Variants in GGNBP2 observed in about 807,000 individuals in gnomAD.
The protein encoded by GGNBP2 is gametogenetin binding protein 2, also known as gametogenetin-binding protein 2.
In GGNBP2, 10 loss-of-function variants were observed where a neutral mutation model predicts 85.9. That is an observed-to-expected ratio of 0.12 (90% CI 0.07 to 0.20). The LOEUF is 0.20. Ranked by LOEUF, GGNBP2 falls within the 10% of genes least tolerant of loss-of-function variation. The pLI, the probability that GGNBP2 is intolerant of heterozygous loss-of-function variation, is 1.00. For synonymous variants in GGNBP2, 287 were observed against 285.7 expected (o/e 1.00, Z -0.05); for missense variants, 595 against 857.8 (o/e 0.69, Z 3.83).
intron 6 of GGNBP2, among the ~76,000 whole-genome samples, chr17:36,572,791 G>T (rs141111240): frequency 1.3e-5 from 2 of 152,242 alleles, no homozygotes; most frequent in African/African-American, 4.8e-5. Context: ...CAGATCTCTA[G>T]AACTTTTTCA....
At chr17:36,573,205 C>T (rs113866146) in intron 6 of GGNBP2, among the ~76,000 whole-genome samples, 11 of 152,096 alleles carry the variant, frequency 7.2e-5, no homozygotes, top group East Asian at 1.9e-4. Context: ...CTCCGCCTCC[C>T]GAGTTCAAGT....
chr17:36,561,159 T>A (rs1334641995), intron 5 of GGNBP2, among the ~76,000 whole-genome samples: 2 of 152,170 alleles, frequency 1.3e-5, no homozygotes, highest in African/African-American at 4.8e-5. Context: ...AGTCTCCCTT[T>A]ATTTCCCAGG....
intron 5 of GGNBP2, among the ~76,000 whole-genome samples, chr17:36,565,667 GC>G (rs2074460674): frequency 6.6e-6 from 1 of 152,178 alleles, no homozygotes; most frequent in African/African-American, 2.4e-5. Flanking sequence ...GGAGGCCGAT[GC>G]AGGCAGATCA....
chr17:36,579,072 T>C, intron 7 of GGNBP2, 173 bp from the exon 8 acceptor site: 1 of 577,370 alleles, frequency 1.7e-6, no homozygotes, highest in Admixed American at 3.1e-5. Context: ...TGTGTATTTC[T>C]CATTGGTTGT....
chr17:36,579,555 C>G (rs1047490535), intron 8 of GGNBP2, 136 bp downstream of exon 8: 33 of 727,824 alleles, frequency 4.5e-5, no homozygotes, highest in Non-Finnish European at 7.0e-5. Flanking sequence ...GATATTGTTA[C>G]ATGGCTTTGG....
chr17:36,575,734 C>T (rs2074574643), intron 6 of GGNBP2, among the ~76,000 whole-genome samples: 1 of 145,308 alleles, frequency 6.9e-6, no homozygotes, highest in Admixed American at 7.0e-5. Context: ...GCAACCTCTG[C>T]CTCCCGGGTT....
chr17:36,565,785 A>C (rs979804454), intron 5 of GGNBP2, among the ~76,000 whole-genome samples: 2 of 152,132 alleles, frequency 1.3e-5, no homozygotes, highest in African/African-American at 2.4e-5. Context: ...AGTCCCAGCT[A>C]CTTGGGAGGC....
Position 36,579,428 on chromosome 17 carries a change from A to G in GGNBP2, c.1020+9A>G. 2 of 1,612,962 alleles carry G rather than the reference A, an allele frequency of 1.2e-6. No homozygotes were observed. The highest frequency in any genetic ancestry group is 1.7e-6 in the Non-Finnish European group (2 of 1,178,996). ...TACGCAAGAGTTTTGAGGTAAGAAC[A>G]GTGGGCTGTTCCAGTATCTCAGATT... On this transcript the variant is annotated intron_variant, in intron 8 of 13. Transcript: ENST00000613102.
At chr17:36,550,601 G>A (rs910605287) in intron 2 of GGNBP2, among the ~76,000 whole-genome samples, 1 of 152,200 alleles carries the variant, frequency 6.6e-6, no homozygotes, top group Non-Finnish European at 1.5e-5. Flanking sequence ...GAACTTGTGA[G>A]AATGCGCTAA....
At chr17:36,578,503 GC>G (rs1389102271) in intron 7 of GGNBP2, 6 of 275,544 alleles carry the variant, frequency 2.2e-5, no homozygotes, top group Non-Finnish European at 4.1e-5. Flanking sequence ...CTCTATCCAT[GC>G]ATTATCATGT....
At chr17:36,568,184 A>G (rs1555606210) in intron 6 of GGNBP2, among the ~76,000 whole-genome samples, 1 of 152,170 alleles carries the variant, frequency 6.6e-6, no homozygotes, top group East Asian at 1.9e-4. Context: ...TCGGCCTCCC[A>G]AAGTGCTAGG....
intron 8 of GGNBP2, among the ~76,000 whole-genome samples, chr17:36,580,861 G>T (rs1421603905): frequency 6.6e-6 from 1 of 151,966 alleles, no homozygotes; most frequent in Non-Finnish European, 1.5e-5. Flanking sequence ...AGAGGTTGCA[G>T]TGAACTGAGA....
intron 2 of GGNBP2, chr17:36,546,181 G>A (rs2074252867): frequency 2.5e-6 from 1 of 395,402 alleles, no homozygotes; most frequent in Admixed American, 4.3e-5. Flanking sequence ...TACCCTCGGG[G>A]AGGCTTAATT....
At position 36,585,360 on chromosome 17, in the gene GGNBP2, A is replaced by G. The variant is rs1258462002; in HGVS notation, c.1276A>G (p.Thr426Ala). Residue 426 changes from threonine to alanine, a missense_variant, in exon 10 of 14, where the codon ACT becomes GCT. This residue lies in a region of GGNBP2 where 85 missense variants were observed against 92.6 expected (regional missense o/e 0.92). Coordinates refer to ENST00000613102, the MANE Select transcript of GGNBP2 (RefSeq NM_024835.5). ...KACGSTEDGN[T>A]CVEVIVTNEN... Reference sequence around the variant, plus strand: ...CTGTGGCAGCACTGAAGATGGTAATACTTGTGTAGAAGTAATTGTTACCAA... The same window carrying G: ...CTGTGGCAGCACTGAAGATGGTAATGCTTGTGTAGAAGTAATTGTTACCAA... 1.2e-6 allele frequency: 2 copies of G among 1,612,632 alleles called. No homozygotes were observed. Among genetic ancestry groups the G allele is most frequent in the Non-Finnish European group, 1.7e-6 (2 of 1,178,942 alleles).
At chr17:36,548,877 G>A (rs1389807365) in intron 2 of GGNBP2, among the ~76,000 whole-genome samples, 1 of 151,818 alleles carries the variant, frequency 6.6e-6, no homozygotes, top group Non-Finnish European at 1.5e-5. Flanking sequence ...CCCCAGAGGC[G>A]GAGGTTGCAG....
chr17:36,554,428 T>C (rs2074342121), intron 2 of GGNBP2, among the ~76,000 whole-genome samples: 1 of 135,220 alleles, frequency 7.4e-6, no homozygotes, highest in East Asian at 2.4e-4. Flanking sequence ...AGTGCAGTGG[T>C]GCGATTTCAG....
chr17:36,581,660 C>A, intron 9 of GGNBP2, 122 bp downstream of exon 9: 1 of 583,342 alleles, frequency 1.7e-6, no homozygotes, highest in Non-Finnish European at 2.9e-6. Context: ...GTGGAGGTAT[C>A]ACTTGAGCCT....
At chr17:36,545,397 AGGCCGGCGGGCGGGCG>A in intron 1 of GGNBP2, 1 of 185,206 alleles carries the variant, frequency 5.4e-6, no homozygotes, top group Non-Finnish European at 8.7e-6. Flanking sequence ...CCCTGACTGG[AGGCCGGCGGGCGGGCG>A]GGCGGGCGGG....
chr17:36,552,691 G>C (rs1391709739), intron 2 of GGNBP2, among the ~76,000 whole-genome samples: 1 of 152,152 alleles, frequency 6.6e-6, no homozygotes, highest in Admixed American at 6.5e-5. Flanking sequence ...CATTTCATCT[G>C]TATGCATGGA....
Sources: allele counts gnomAD v4.1 joint callset (sites outside exome capture counted in the v4.1 genomes callset), GRCh38; gene constraint gnomAD v4.1.1; regional missense constraint gnomAD v4.1.1; transcripts MANE v1.5; gene names NCBI Gene and HGNC (gene_info 2026-07-23, HGNC 2026-07-21).